SLC25A33: variants seen among roughly 807,000 people sequenced by gnomAD.
SLC25A33 encodes bone marrow stromal cell mitochondrial carrier protein.
SLC25A33 carries 15 observed loss-of-function variants against 35.5 expected under a neutral mutation model. The observed-to-expected ratio is 0.42, with a 90% CI of 0.28 to 0.65. The LOEUF (loss-of-function observed/expected upper bound fraction) is 0.65. Ranked by LOEUF, SLC25A33 falls within the 30% of genes least tolerant of loss-of-function variation. The probability of loss-of-function intolerance (pLI) is 0.20; values close to 1 mark genes in which losing one functional copy is unlikely to be tolerated. For missense variants in SLC25A33, 257 were observed against 398.5 expected, an observed-to-expected ratio of 0.64 and a Z score of 3.02; for synonymous variants, 136 against 148.7, an observed-to-expected ratio of 0.91 and a Z score of 0.62.
chr1:9,574,362 A>G (rs543587990), intron 5 of SLC25A33, among the ~76,000 whole-genome samples: 2 of 152,292 alleles, frequency 1.3e-5, no homozygotes, highest in South Asian at 4.1e-4. Context: ...AAGTGCTGGT[A>G]TTACAGGCGT....
rs1553148160 is a variant in SLC25A33 at position 9,580,865 on chromosome 1, A to AATAAT, written c.763+632_763+633insTAATA. Among the ~76,000 whole-genome samples the AATAAT allele has an allele frequency of 2.0e-3, 254 of 129,408 alleles. 1 individual carries two copies. The highest frequency in any genetic ancestry group is 2.0e-3 in the Admixed American group (27 of 13,296). The allele number at this position is 129,408 out of a possible 152,430, so 84.9% of individuals were successfully genotyped here. On this transcript the variant is annotated intron_variant, in intron 6 of 6. Coordinates refer to ENST00000302692, the MANE Select transcript of SLC25A33 (RefSeq NM_032315.3). Reference sequence around the variant, plus strand: ...GCGAGACTCTGTCTCAAAAAAAAAAAAATAATAATAATAATAATAATAATA... The same window carrying AATAAT: ...GCGAGACTCTGTCTCAAAAAAAAAAAATAATAATAATAATAATAATAATAATAATA...
At chr1:9,548,318 A>G (rs1444443035) in intron 1 of SLC25A33, among the ~76,000 whole-genome samples, 2 of 152,356 alleles carry the variant, frequency 1.3e-5, no homozygotes, top group African/African-American at 4.8e-5. Flanking sequence ...GCGGTGGCTC[A>G]CGCCTATAAT....
chr1:9,584,750 C>T lies in SLC25A33; in HGVS notation c.*2249C>T, dbSNP rs1035373117. ...TGTTGTTTTGAGACAAGGTATCACTCGATCACTGAAGCTGGATACAGTGGC... is the reference window on the plus strand; with the variant it reads ...TGTTGTTTTGAGACAAGGTATCACTTGATCACTGAAGCTGGATACAGTGGC... On this transcript the variant is annotated 3_prime_UTR_variant, in exon 7 of 7. Transcript: ENST00000302692. 6.6e-6 allele frequency: 1 copy of T among 152,174 alleles called. No homozygotes were observed. Among genetic ancestry groups the T allele is most frequent in the African/African-American group, 2.4e-5 (1 of 41,430 alleles). The allele number at this position is 152,174 out of a possible 1,614,324, so 9.4% of individuals were successfully genotyped here.
rs1243080520 is a variant in SLC25A33 at position 9,584,824 on chromosome 1, C to T, written c.*2323C>T. Reference sequence around the variant, plus strand: ...CAAACTCCTGGGCACAAGGGATCCTCGCATCTCAGCCTCCCAAGTAGCTTG... The same window carrying T: ...CAAACTCCTGGGCACAAGGGATCCTTGCATCTCAGCCTCCCAAGTAGCTTG... On this transcript the variant is annotated 3_prime_UTR_variant, in exon 7 of 7. Transcript: ENST00000302692. 1 of 152,166 alleles carries T rather than the reference C, an allele frequency of 6.6e-6. No individual in the cohort carries two copies. Among genetic ancestry groups the T allele is most frequent in the Non-Finnish European group, 1.5e-5 (1 of 68,046 alleles). 9.4% of individuals were successfully genotyped at this position (152,166 alleles called of 1,614,324 possible). A position where few individuals can be genotyped will look rare whatever the true frequency, so the allele number is the denominator to read the frequency against.
chr1:9,551,165 T>C lies in SLC25A33; in HGVS notation c.57-2461T>C, dbSNP rs544360108. On this transcript the variant is annotated intron_variant, in intron 1 of 6. Transcript: ENST00000302692. Reference sequence around the variant, plus strand: ...TGGGAGGCCAAGGCAGGTGGATCACTTGAGGTCAGGAGTTGAAGACCAGCC... The same window carrying C: ...TGGGAGGCCAAGGCAGGTGGATCACCTGAGGTCAGGAGTTGAAGACCAGCC... Among the ~76,000 whole-genome samples, 4 of 151,890 alleles carry C rather than the reference T, an allele frequency of 2.6e-5. No individual in the cohort carries two copies. The East Asian group carries it at 7.9e-4, about 30-fold the overall frequency.
chr1:9,569,114 A>G (rs968530787), intron 3 of SLC25A33, among the ~76,000 whole-genome samples: 4 of 151,468 alleles, frequency 2.6e-5, no homozygotes, highest in Non-Finnish European at 5.9e-5. Context: ...GCGTGGTGAC[A>G]TGCATCTGTA....
At chr1:9,571,330 G>T (rs1569870182) in intron 4 of SLC25A33, among the ~76,000 whole-genome samples, 1 of 152,246 alleles carries the variant, frequency 6.6e-6, no homozygotes, top group East Asian at 1.9e-4. Flanking sequence ...GAGTCACTCT[G>T]TCGCCCAGGC....
At chr1:9,575,569 C>G (rs1000477915) in intron 5 of SLC25A33, among the ~76,000 whole-genome samples, 4 of 151,094 alleles carry the variant, frequency 2.6e-5, no homozygotes, top group Non-Finnish European at 4.4e-5. Flanking sequence ...GAGCCGAGAT[C>G]ACACCACTGC....
intron 2 of SLC25A33, among the ~76,000 whole-genome samples, chr1:9,554,208 G>T (rs1339407573): frequency 2.6e-5 from 4 of 152,192 alleles, no homozygotes; most frequent in Admixed American, 1.3e-4. Context: ...TGAGACAGAA[G>T]AATCTCGCTC....
chr1:9,577,129 CAG>C (rs1643671074), intron 5 of SLC25A33: 1 of 482,114 alleles, frequency 2.1e-6, no homozygotes, highest in Non-Finnish European at 3.7e-6. Flanking sequence ...GTCTTTTGGG[CAG>C]AGAGAAGGTG....
chr1:9,580,348 G>C, intron 6 of SLC25A33, 114 bp downstream of exon 6: 2 of 1,361,808 alleles, frequency 1.5e-6, no homozygotes, highest in African/African-American at 2.9e-5. Context: ...TGCAGGTAAG[G>C]TCAGTGAGTA....
intron 1 of SLC25A33, among the ~76,000 whole-genome samples, chr1:9,549,943 T>C (rs1643238835): frequency 6.9e-6 from 1 of 144,798 alleles, no homozygotes; most frequent in Admixed American, 7.0e-5. Context: ...TATATTTCTA[T>C]ATATGTATCT....
chr1:9,550,011 A>ATATATATATTTTT lies in SLC25A33; in HGVS notation c.57-3614_57-3613insATATATATTTTTT. Among the ~76,000 whole-genome samples the ATATATATATTTTT allele has an allele frequency of 2.9e-4, 14 of 48,866 alleles. 1 individual carries two copies. Among genetic ancestry groups the ATATATATATTTTT allele is most frequent in the African/African-American group, 7.8e-4 (10 of 12,818 alleles). 32.1% of individuals were successfully genotyped at this position (48,866 alleles called of 152,430 possible). The stretch of plus-strand genomic sequence containing the variant: ...TTTTTCTATACATATATATATATAT[A>ATATATATATTTTT]TTTTTTTTTTTTTTTTTTTTTTTTT... On this transcript the variant is annotated intron_variant, in intron 1 of 6. Transcript: ENST00000302692.
chr1:9,554,424 A>G lies in SLC25A33; in HGVS notation c.236+619A>G, dbSNP rs559149526. Among the ~76,000 whole-genome samples, 9 of 152,330 alleles carry G rather than the reference A, an allele frequency of 5.9e-5. No homozygotes were observed. The South Asian group carries it at 1.7e-3, about 28-fold the overall frequency. The stretch of plus-strand genomic sequence containing the variant: ...GCCCAAACTGGAGTGCAATGGCACA[A>G]TCTCAGCTCACCGCAACCTCTGCCT... On this transcript the variant is annotated intron_variant, in intron 2 of 6. Coordinates refer to ENST00000302692, the MANE Select transcript of SLC25A33 (RefSeq NM_032315.3).
At chr1:9,571,879 A>G (rs12070568) in intron 4 of SLC25A33, among the ~76,000 whole-genome samples, 39,834 of 151,990 alleles carry the variant, frequency 0.26, 6,700 homozygotes, top group African/African-American at 0.48. Flanking sequence ...GAACTCAAGT[A>G]ATTCACCTGC....
intron 2 of SLC25A33, among the ~76,000 whole-genome samples, chr1:9,554,393 C>T (rs565095779): frequency 4.6e-5 from 7 of 152,206 alleles, no homozygotes; most frequent in African/African-American, 1.7e-4. Flanking sequence ...GAGTTTTGCT[C>T]TCGTTGCCCA....
At chr1:9,558,905 A>G (rs992322818) in intron 2 of SLC25A33, among the ~76,000 whole-genome samples, 1 of 152,166 alleles carries the variant, frequency 6.6e-6, no homozygotes, top group Non-Finnish European at 1.5e-5. Flanking sequence ...CCTCTGGGTA[A>G]GAGCTACAGC....
At chr1:9,579,215 A>C (rs910122240) in intron 5 of SLC25A33, among the ~76,000 whole-genome samples, 4 of 152,192 alleles carry the variant, frequency 2.6e-5, no homozygotes, top group Non-Finnish European at 5.9e-5. Flanking sequence ...TTCCCCACAC[A>C]CACCAAACAG....
chr1:9,565,877 C>T (rs75893149), intron 2 of SLC25A33, among the ~76,000 whole-genome samples: 5 of 88,560 alleles, frequency 5.6e-5, no homozygotes, highest in Admixed American at 5.3e-4. Flanking sequence ...GACTCTGTCT[C>T]AAAAAAAAAA....
Sources: gnomAD v4.1 joint callset for allele counts (sites outside exome capture counted in the v4.1 genomes callset) on GRCh38, gnomAD v4.1.1 for gene constraint, MANE v1.5 for transcripts, NCBI Gene and HGNC (gene_info 2026-07-23, HGNC 2026-07-21) for gene names.